Variants in DCLK1 observed in about 807,000 individuals in gnomAD.
DCLK1 encodes the protein serine/threonine-protein kinase DCLK1.
DCLK1 carries 16 observed loss-of-function variants against 86.2 expected under a neutral mutation model. The observed-to-expected ratio is 0.19, with a 90% CI of 0.13 to 0.28. DCLK1 has a LOEUF of 0.28. Ranked by LOEUF, DCLK1 falls within the 10% of genes least tolerant of loss-of-function variation. The pLI, the probability that DCLK1 is intolerant of heterozygous loss-of-function variation, is 1.00. For missense variants in DCLK1, 590 were observed against 940.2 expected (o/e 0.63, Z 4.87); for synonymous variants, 369 against 370.5 (o/e 1.00, Z 0.05).
chr13:36,120,940 A>C (rs1415855338), intron 2 of DCLK1, among the ~76,000 whole-genome samples: 3 of 152,156 alleles, frequency 2.0e-5, no homozygotes, highest in African/African-American at 7.2e-5. Context: ...ACTTTTATGA[A>C]GGGGAATTTT....
intron 6 of DCLK1, chr13:35,849,868 A>T (rs1870484821): frequency 1.1e-6 from 1 of 942,198 alleles, no homozygotes. Context: ...TCTGTATGGA[A>T]AAAAAAAAAA....
At chr13:36,086,940 T>G (rs1884629692) in intron 3 of DCLK1, among the ~76,000 whole-genome samples, 2 of 152,212 alleles carry the variant, frequency 1.3e-5, no homozygotes. Flanking sequence ...TACGTGTGCA[T>G]GCATCTTTAT....
At chr13:35,896,759 T>C (rs1874021360) in intron 4 of DCLK1, among the ~76,000 whole-genome samples, 1 of 151,930 alleles carries the variant, frequency 6.6e-6, no homozygotes, top group Non-Finnish European at 1.5e-5. Flanking sequence ...GGTAAACCTT[T>C]AGAGGGGAGG....
chr13:35,857,486 C>T (rs144944016), intron 5 of DCLK1, among the ~76,000 whole-genome samples: 1 of 152,322 alleles, frequency 6.6e-6, no homozygotes, highest in East Asian at 1.9e-4. Context: ...CTGCCTCACC[C>T]TTGCAAGCAG....
In DCLK1 at chr13:35,805,262, C is replaced by T. The variant is rs143012309; in HGVS notation, c.1944+437G>A. On this transcript the variant is annotated intron_variant, in intron 15 of 16. Transcript: ENST00000360631. ...GTATAAGATCCTGTAACTGTCCTGG[C>T]ACATATGAGGGGGAGGAACAAAATG... 111 of 159,884 alleles carry T rather than the reference C, an allele frequency of 6.9e-4. 1 individual carries two copies. The highest frequency in any genetic ancestry group is 2.6e-3 in the African/African-American group (108 of 41,678). 9.9% of individuals were successfully genotyped at this position (159,884 alleles called of 1,614,324 possible). A position where few individuals can be genotyped will look rare whatever the true frequency, so the allele number is the denominator to read the frequency against.
chr13:35,836,654 TG>T (rs1869406725), intron 7 of DCLK1, among the ~76,000 whole-genome samples: 1 of 152,236 alleles, frequency 6.6e-6, no homozygotes, highest in Admixed American at 6.5e-5. Flanking sequence ...TAAGCACTGA[TG>T]GCCACCCGTC....
At chr13:36,120,858 T>C (rs1474555187) in intron 2 of DCLK1, among the ~76,000 whole-genome samples, 1 of 152,176 alleles carries the variant, frequency 6.6e-6, no homozygotes, top group African/African-American at 2.4e-5. Context: ...AACATCTGAT[T>C]TCAAAACATC....
chr13:36,116,390 A>C (rs550699709), intron 2 of DCLK1, among the ~76,000 whole-genome samples: 1 of 95,408 alleles, frequency 1.0e-5, no homozygotes, highest in African/African-American at 4.8e-5. Context: ...GAATATTTCC[A>C]CTTAAAATGG....
chr13:36,037,386 G>T (rs984893645), intron 3 of DCLK1, among the ~76,000 whole-genome samples: 3 of 151,984 alleles, frequency 2.0e-5, no homozygotes. Flanking sequence ...AAATAGAAGA[G>T]AATTTTTCTA....
At chr13:35,986,139 T>A (rs2153142653) in intron 3 of DCLK1, among the ~76,000 whole-genome samples, 1 of 151,528 alleles carries the variant, frequency 6.6e-6, no homozygotes, top group East Asian at 2.0e-4. Flanking sequence ...CCGTCTCTAC[T>A]AAAAATACAA....
At chr13:36,008,021 T>G in intron 3 of DCLK1, among the ~76,000 whole-genome samples, 1 of 151,964 alleles carries the variant, frequency 6.6e-6, no homozygotes, top group East Asian at 1.9e-4. Flanking sequence ...ACATATATAT[T>G]TAGGTTTCTT....
chr13:35,857,577 A>G (rs950705260), intron 5 of DCLK1, among the ~76,000 whole-genome samples: 24 of 152,238 alleles, frequency 1.6e-4, no homozygotes, highest in African/African-American at 5.5e-4. Context: ...TTTGCAGTGA[A>G]TGACTCTCTG....
intron 11 of DCLK1, among the ~76,000 whole-genome samples, chr13:35,815,327 T>G (rs2087243816): frequency 6.6e-6 from 1 of 152,128 alleles, no homozygotes; most frequent in Non-Finnish European, 1.5e-5. Flanking sequence ...AATATGAAAA[T>G]TCACAGATAA....
At chr13:35,887,507 C>T (rs2153118276) in intron 4 of DCLK1, among the ~76,000 whole-genome samples, 1 of 152,282 alleles carries the variant, frequency 6.6e-6, no homozygotes, top group Middle Eastern at 3.4e-3. Context: ...GCTCAGCCCT[C>T]TCCTGTCATC....
intron 4 of DCLK1, among the ~76,000 whole-genome samples, chr13:35,905,393 T>C (rs1329874723): frequency 6.6e-6 from 1 of 152,150 alleles, no homozygotes; most frequent in Non-Finnish European, 1.5e-5. Context: ...TGTTCAATGG[T>C]TGAGGAAAGA....
intron 3 of DCLK1, among the ~76,000 whole-genome samples, chr13:36,104,320 C>G (rs1030184777): frequency 1.3e-5 from 2 of 152,198 alleles, no homozygotes; most frequent in Non-Finnish European, 2.9e-5. Context: ...TTTACCAGGT[C>G]AAGCTCTGGA....
intron 15 of DCLK1, chr13:35,805,496 G>C: frequency 4.2e-6 from 2 of 474,182 alleles, no homozygotes; most frequent in South Asian, 8.0e-5. Context: ...ATGGGGTTTT[G>C]CCATGTTGCC....
At chr13:35,823,326 G>T (rs2087439599) in intron 10 of DCLK1, among the ~76,000 whole-genome samples, 2 of 150,900 alleles carry the variant, frequency 1.3e-5, no homozygotes, top group South Asian at 4.2e-4. Flanking sequence ...CACTGAAAAT[G>T]TTCTACTGCC....
chr13:35,908,621 G>A (rs1257540284), intron 4 of DCLK1, among the ~76,000 whole-genome samples: 1 of 152,098 alleles, frequency 6.6e-6, no homozygotes, highest in Non-Finnish European at 1.5e-5. Flanking sequence ...ATGGATTTCA[G>A]GCAGAAAGGT....
Sources: allele counts gnomAD v4.1 joint callset (sites outside exome capture counted in the v4.1 genomes callset), GRCh38; gene constraint gnomAD v4.1.1; transcripts MANE v1.5; gene names NCBI Gene and HGNC (gene_info 2026-07-23, HGNC 2026-07-21).